Variants in ZC3H12C observed in about 807,000 individuals in gnomAD.
ZC3H12C encodes the protein zinc finger CCCH-type containing 12C, also known as probable ribonuclease ZC3H12C.
In ZC3H12C, 20 loss-of-function variants were observed where a neutral mutation model predicts 76.3. That is an observed-to-expected ratio of 0.26 (90% CI 0.18 to 0.38). The LOEUF (loss-of-function observed/expected upper bound fraction) is 0.38. ZC3H12C is among the 10% of genes least tolerant of loss of function. The probability of loss-of-function intolerance (pLI) is 1.00; values close to 1 mark genes in which losing one functional copy is unlikely to be tolerated. For synonymous variants in ZC3H12C, 352 were observed against 399.6 expected (o/e 0.88, Z 1.42); for missense variants, 874 against 1,086.5 (o/e 0.80, Z 2.75).
chr11:110,094,119 G>A (rs1255051748), intron 1 of ZC3H12C, among the ~76,000 whole-genome samples: 2 of 152,182 alleles, frequency 1.3e-5, no homozygotes, highest in Non-Finnish European at 2.9e-5. Context: ...TCCCTAAGCT[G>A]TCTCATTTCA....
At chr11:110,163,958 G>A (rs1466410662) in intron 5 of ZC3H12C, among the ~76,000 whole-genome samples, 1 of 151,980 alleles carries the variant, frequency 6.6e-6, no homozygotes, top group East Asian at 1.9e-4. Flanking sequence ...AAATTCACCA[G>A]GCTTGGTAGC....
rs760945658 is a variant in ZC3H12C, at chr11:110,137,002, T to C, written c.361T>C (p.Cys121Arg). 1.9e-6 allele frequency: 3 copies of C among 1,613,726 alleles called. No homozygotes were observed. Among genetic ancestry groups the C allele is most frequent in the African/African-American group, 2.7e-5 (2 of 74,940 alleles). ...GLITKTHRQL[C>R]RSPCLEPHIL... is the part of the protein sequence containing the mutation. ...GATAACTAAGACTCACAGACAGCTC[T>C]GCAGGTCTCCCTGTTTAGAGCCTCA... The change falls in exon 2 of 6, where the codon TGC becomes CGC. Residue 121 changes from cysteine to arginine, a missense_variant. Cys to Arg is a radical substitution (Grantham distance 180, BLOSUM62 -3). Coordinates refer to ENST00000278590, the MANE Select transcript of ZC3H12C (RefSeq NM_033390.2).
At chr11:110,148,292 G>A (rs1474967819) in intron 2 of ZC3H12C, among the ~76,000 whole-genome samples, 2 of 152,132 alleles carry the variant, frequency 1.3e-5, no homozygotes, top group African/African-American at 4.8e-5. Context: ...TGCAAAGCAG[G>A]ATTTTTATAA....
At chr11:110,100,670 G>T (rs1301508396) in intron 1 of ZC3H12C, among the ~76,000 whole-genome samples, 1 of 152,054 alleles carries the variant, frequency 6.6e-6, no homozygotes, top group African/African-American at 2.4e-5. Context: ...GTAATTTTGG[G>T]GGGGTGCCAA....
chr11:110,128,949 G>A (rs1249887910), intron 1 of ZC3H12C, among the ~76,000 whole-genome samples: 6 of 147,628 alleles, frequency 4.1e-5, no homozygotes, highest in Non-Finnish European at 7.4e-5. Flanking sequence ...ACATCCATTT[G>A]CTTACCCAAT....
Position 110,165,479 on chromosome 11 carries a change from C to G in ZC3H12C, c.2394C>G (p.Asn798Lys), listed in dbSNP as rs765124801. 6.2e-7 allele frequency: 1 copy of G among 1,614,042 alleles called. No individual in the cohort carries two copies. Among genetic ancestry groups the G allele is most frequent in the Admixed American group, 1.7e-5 (1 of 60,030 alleles). Reference sequence around the variant, plus strand: ...GGCAGACTTATTCCTTGCCCGATAACTCCACACAGCCGTGTTATGAGCAGT... The same window carrying G: ...GGCAGACTTATTCCTTGCCCGATAAGTCCACACAGCCGTGTTATGAGCAGT... ...GYRQTYSLPD[N>K]STQPCYEQFT... Residue 798 changes from asparagine (N) to lysine (K), a missense_variant, in exon 6 of 6, where the codon AAC becomes AAG. Around this residue, in one of 3 missense-constraint regions of ZC3H12C, gnomAD observed 395 missense variants for 434.4 expected, o/e 0.91. Transcript: ENST00000278590.
At chr11:110,146,685 G>T (rs930514367) in intron 2 of ZC3H12C, among the ~76,000 whole-genome samples, 6 of 152,176 alleles carry the variant, frequency 3.9e-5, no homozygotes, top group African/African-American at 1.2e-4. Flanking sequence ...TGCTCCCCTT[G>T]TGAACAATTC....
chr11:110,121,867 A>G lies in ZC3H12C; in HGVS notation c.22-14796A>G, dbSNP rs532829304. ...CGTTTTGGATTATTTCCCATATACCATATTTTATTTTTTTTCCTGAATTCC... is the reference window on the plus strand; with the variant it reads ...CGTTTTGGATTATTTCCCATATACCGTATTTTATTTTTTTTCCTGAATTCC... On this transcript the variant is annotated intron_variant, in intron 1 of 5. Transcript: ENST00000278590. Among the ~76,000 whole-genome samples, 37 of 152,270 alleles carry G rather than the reference A, an allele frequency of 2.4e-4. No individual in the cohort carries two copies. The South Asian group carries it at 4.6e-3, about 19-fold the overall frequency.
chr11:110,161,208 G>T (rs1051966634), intron 4 of ZC3H12C, among the ~76,000 whole-genome samples: 5 of 152,132 alleles, frequency 3.3e-5, no homozygotes, highest in African/African-American at 7.2e-5. Flanking sequence ...ACTTTTATAC[G>T]ACTGGGGGCA....
chr11:110,159,517 G>T (rs756641293), intron 4 of ZC3H12C, 27 bp downstream of exon 4: 1 of 1,517,690 alleles, frequency 6.6e-7, no homozygotes, highest in South Asian at 1.2e-5. Flanking sequence ...ACTTGCCAAT[G>T]ATACTGCTTC....
chr11:110,138,202 T>C (rs1862005564), intron 2 of ZC3H12C, among the ~76,000 whole-genome samples: 1 of 150,314 alleles, frequency 6.7e-6, no homozygotes, highest in African/African-American at 2.4e-5. Flanking sequence ...TATGGGTAAC[T>C]GCTCACAATT....
rs769365245 is a variant in ZC3H12C, at chr11:110,164,446, C to G, written c.1361C>G (p.Thr454Arg). 6.2e-7 allele frequency: 1 copy of G among 1,613,868 alleles called. No individual in the cohort carries two copies. ...ADELRAMSRN[T>R]AAKTANEGGL... is the part of the protein sequence containing the mutation. ...GAACTCCGTGCCATGTCTAGAAATA[C>G]GGCAGCCAAAACTGCAAACGAAGGA... Residue 454 changes from threonine to arginine, a missense_variant, in exon 6 of 6, where the codon ACG becomes AGG. By Grantham distance (71) the Thr-to-Arg change is moderately conservative. Around this residue, in one of 3 missense-constraint regions of ZC3H12C, gnomAD observed 269 missense variants for 424.9 expected, o/e 0.63. Coordinates refer to ENST00000278590, the MANE Select transcript of ZC3H12C (RefSeq NM_033390.2). This position sits in a 1 kb window ranked among gnomAD's most constrained non-coding sequence, Gnocchi z 5.7.
intron 1 of ZC3H12C, among the ~76,000 whole-genome samples, chr11:110,093,754 G>A (rs890057062): frequency 1.3e-5 from 2 of 152,108 alleles, no homozygotes; most frequent in Non-Finnish European, 2.9e-5. Flanking sequence ...CCGCCCGCCC[G>A]GGGGCATAGA....
chr11:110,122,415 TAATC>T (rs1025867863), intron 1 of ZC3H12C, among the ~76,000 whole-genome samples: 8 of 152,210 alleles, frequency 5.3e-5, no homozygotes, highest in African/African-American at 1.9e-4. Context: ...ACATGAGTGA[TAATC>T]AATCATGTGC....
rs1324541822 is a variant in ZC3H12C, at chr11:110,159,359, C to T, written c.1017C>T (p.Ile339=). ...RRVVCYDDRF[I]VKLAFESDGI... ...TGGTGTGCTATGACGACAGGTTCAT[C>T]GTGAAGCTGGCTTTTGAGTCGGACG... Residue 339 remains isoleucine (I), a synonymous_variant, in exon 4 of 6, where the codon ATC becomes ATT. Coordinates refer to ENST00000278590, the MANE Select transcript of ZC3H12C (RefSeq NM_033390.2). 4 of 1,613,980 alleles carry T rather than the reference C, an allele frequency of 2.5e-6. No individual in the cohort carries two copies. Among genetic ancestry groups the T allele is most frequent in the Admixed American group, 1.7e-5 (1 of 59,996 alleles).
In ZC3H12C at chr11:110,164,952, G is replaced by A; in HGVS notation, c.1867G>A (p.Ala623Thr). 6.2e-7 allele frequency: 1 copy of A among 1,614,034 alleles called. No homozygotes were observed. ...CACAGATTATAGAATAAGTTCCGTA[G>A]CTTCTGACTGCAGCAGTGAAGGGAG... ...LDTDYRISSVASDCSSEGSMS... is the reference protein window; with the variant it reads ...LDTDYRISSVTSDCSSEGSMS... Residue 623 changes from alanine (A) to threonine (T), a missense_variant, in exon 6 of 6, where the codon GCT (alanine) becomes ACT (threonine). Physicochemically the swap from Ala to Thr is moderately conservative, Grantham distance 58. This residue lies in a region of ZC3H12C where 395 missense variants were observed against 434.4 expected (regional missense o/e 0.91). Transcript: ENST00000278590. The surrounding 1 kb of genome is among the most constrained non-coding windows in gnomAD (Gnocchi z 5.7).
Position 110,100,773 on chromosome 11 carries a change from A to G in ZC3H12C, c.21+7341A>G, listed in dbSNP as rs188300268. Among the ~76,000 whole-genome samples the G allele has an allele frequency of 2.0e-5, 3 of 152,182 alleles. No individual in the cohort carries two copies. The East Asian group carries it at 5.8e-4, about 29-fold the overall frequency. ...TGTTTTTCTTCCTCTTCTCAGCCCC[A>G]CTATTCTCTGAGACACAATAATATT... On this transcript the variant is annotated intron_variant, in intron 1 of 5. Transcript: ENST00000278590.
chr11:110,103,228 C>T (rs1861251795), intron 1 of ZC3H12C, among the ~76,000 whole-genome samples: 1 of 152,178 alleles, frequency 6.6e-6, no homozygotes, highest in Admixed American at 6.5e-5. Context: ...AGGGGCAATA[C>T]ACATTTGTCT....
intron 1 of ZC3H12C, among the ~76,000 whole-genome samples, chr11:110,117,832 AAT>A (rs200265678): frequency 6.9e-5 from 6 of 86,550 alleles, no homozygotes; most frequent in East Asian, 2.4e-4. Context: ...ACACACATAT[AAT>A]ATATATATAC....
Sources: gnomAD v4.1 joint callset for allele counts (sites outside exome capture counted in the v4.1 genomes callset) on GRCh38, gnomAD v4.1.1 for gene constraint, gnomAD v4.1.1 regional missense constraint, Gnocchi (gnomAD v3.1) non-coding constraint, MANE v1.5 for transcripts, NCBI Gene and HGNC (gene_info 2026-07-23, HGNC 2026-07-21) for gene names.